TMEM132B: variants seen among roughly 807,000 people sequenced by gnomAD.
The protein encoded by TMEM132B is transmembrane protein 132B.
A neutral mutation model predicts 90.8 loss-of-function variants in TMEM132B; 18 were observed. The ratio of observed to expected loss-of-function variants is 0.20; its 90% CI spans 0.14 to 0.29. The LOEUF is 0.29. Ranked by LOEUF, TMEM132B falls within the 10% of genes least tolerant of loss-of-function variation. The pLI is 1.00. For synonymous variants in TMEM132B, 504 were observed against 523.3 expected, an observed-to-expected ratio of 0.96 and a Z score of 0.50; for missense variants, 1,096 against 1,326.8, an observed-to-expected ratio of 0.83 and a Z score of 2.70.
intron 1 of TMEM132B, among the ~76,000 whole-genome samples, chr12:125,237,226 C>T (rs567427474): frequency 2.6e-4 from 39 of 152,236 alleles, no homozygotes; most frequent in South Asian, 2.5e-3. Flanking sequence ...ATCCTGGGGC[C>T]GTCACCAGTG....
At chr12:125,285,867 TG>T (rs995609585) in intron 1 of TMEM132B, among the ~76,000 whole-genome samples, 4 of 151,988 alleles carry the variant, frequency 2.6e-5, no homozygotes, top group South Asian at 2.1e-4. Flanking sequence ...CCTGGGGTGG[TG>T]GGGGGCATCA....
intron 3 of TMEM132B, among the ~76,000 whole-genome samples, chr12:125,484,014 A>G (rs1011903045): frequency 6.6e-5 from 10 of 152,192 alleles, no homozygotes; most frequent in Non-Finnish European, 1.5e-4. Context: ...GAAGTGGGCT[A>G]TAAGCTGAGC....
intron 5 of TMEM132B, among the ~76,000 whole-genome samples, chr12:125,610,442 G>GT (rs1189186250): frequency 6.6e-6 from 1 of 152,112 alleles, no homozygotes; most frequent in Admixed American, 6.6e-5. Context: ...TTTGTTGATA[G>GT]TTTTTAACAT....
At chr12:125,562,392 G>A (rs1223909922) in intron 4 of TMEM132B, among the ~76,000 whole-genome samples, 1 of 152,174 alleles carries the variant, frequency 6.6e-6, no homozygotes, top group East Asian at 1.9e-4. Flanking sequence ...GTGTATACTG[G>A]AGTTAGCACT....
intron 1 of TMEM132B, among the ~76,000 whole-genome samples, chr12:125,272,590 AG>A (rs1039587264): frequency 2.6e-5 from 4 of 152,054 alleles, no homozygotes; most frequent in Non-Finnish European, 4.4e-5. Context: ...AATAAACTCG[AG>A]TTGGCACCAC....
At chr12:125,593,215 A>C (rs535779089) in intron 5 of TMEM132B, among the ~76,000 whole-genome samples, 27 of 152,216 alleles carry the variant, frequency 1.8e-4, no homozygotes, top group Admixed American at 1.7e-3. Context: ...TTCTGTTCTA[A>C]TTGGAGATGT....
At chr12:125,248,601 G>C (rs572180588) in intron 1 of TMEM132B, among the ~76,000 whole-genome samples, 1 of 152,198 alleles carries the variant, frequency 6.6e-6, no homozygotes, top group South Asian at 2.1e-4. Context: ...CCCATGGAAG[G>C]CTAATAAATT....
In TMEM132B at chr12:125,585,995, C is replaced by T. The variant is rs1009371940; in HGVS notation, c.1437+2001C>T. The stretch of plus-strand genomic sequence containing the variant: ...GATGCATTTACTATGGCTTCAGTGT[C>T]AATGTTTGTAGTAAATTTTACTATA... On this transcript the variant is annotated intron_variant, in intron 5 of 8. Coordinates refer to ENST00000682704, the MANE Select transcript of TMEM132B (RefSeq NM_001366854.1). The T allele has an allele frequency of 3.7e-4, 56 of 152,120 alleles. 1 individual carries two copies. The highest frequency in any genetic ancestry group is 1.8e-3 in the Admixed American group (28 of 15,280). The allele number at this position is 152,120 out of a possible 1,614,324, so 9.4% of individuals were successfully genotyped here.
At chr12:125,545,488 G>A (rs2136742517) in intron 4 of TMEM132B, among the ~76,000 whole-genome samples, 2 of 152,260 alleles carry the variant, frequency 1.3e-5, no homozygotes, top group South Asian at 4.2e-4. Flanking sequence ...TCTGGTCATG[G>A]CACCATGATA....
chr12:125,515,396 CACAAAT>C (rs368539010), intron 3 of TMEM132B, among the ~76,000 whole-genome samples: 2,962 of 96,938 alleles, frequency 0.031, 106 homozygotes, highest in African/African-American at 0.12. Context: ...CACATTCTCT[CACAAAT>C]ACATTCAAAC....
At chr12:125,309,192 T>C (rs1876066397) in intron 1 of TMEM132B, among the ~76,000 whole-genome samples, 1 of 152,240 alleles carries the variant, frequency 6.6e-6, no homozygotes, top group Non-Finnish European at 1.5e-5. Flanking sequence ...TTGTTATATA[T>C]TTTAATAATG....
At chr12:125,314,836 T>A (rs375085587) in intron 1 of TMEM132B, among the ~76,000 whole-genome samples, 1 of 152,166 alleles carries the variant, frequency 6.6e-6, no homozygotes, top group East Asian at 1.9e-4. Context: ...AGAAATGTCT[T>A]CTTTGTGCAA....
chr12:125,544,640 A>C (rs1388506423), intron 4 of TMEM132B, among the ~76,000 whole-genome samples: 3 of 152,230 alleles, frequency 2.0e-5, no homozygotes, highest in African/African-American at 7.2e-5. Flanking sequence ...TCTGTATTTC[A>C]GACTTTATTC....
At chr12:125,197,298 G>A (rs1225271118) in intron 1 of TMEM132B, among the ~76,000 whole-genome samples, 1 of 152,104 alleles carries the variant, frequency 6.6e-6, no homozygotes, top group Non-Finnish European at 1.5e-5. Flanking sequence ...GCTGGTACAG[G>A]TGTTTTTGTT....
chr12:125,412,610 A>G (rs943867618), intron 2 of TMEM132B, among the ~76,000 whole-genome samples: 1 of 152,166 alleles, frequency 6.6e-6, no homozygotes, highest in African/African-American at 2.4e-5. Context: ...TGTTGAGAAC[A>G]ACGGTGACAG....
At chr12:125,507,240 T>G (rs1047307751) in intron 3 of TMEM132B, among the ~76,000 whole-genome samples, 1 of 152,216 alleles carries the variant, frequency 6.6e-6, no homozygotes, top group African/African-American at 2.4e-5. Flanking sequence ...ATGCATGCAT[T>G]CATTCATTCA....
intron 1 of TMEM132B, among the ~76,000 whole-genome samples, chr12:125,205,921 A>T (rs1488642737): frequency 4.6e-5 from 7 of 152,264 alleles, no homozygotes; most frequent in African/African-American, 1.7e-4. Flanking sequence ...GAAAGATTGC[A>T]GCAGGCGGGA....
chr12:125,223,880 G>A (rs1873618085), intron 1 of TMEM132B, among the ~76,000 whole-genome samples: 1 of 152,064 alleles, frequency 6.6e-6, no homozygotes, highest in Non-Finnish European at 1.5e-5. Flanking sequence ...GGGTTCAAGT[G>A]ATTCTCCTGC....
At chr12:125,653,012 T>A (rs1389524486) in intron 8 of TMEM132B, among the ~76,000 whole-genome samples, 1 of 152,246 alleles carries the variant, frequency 6.6e-6, no homozygotes, top group African/African-American at 2.4e-5. Flanking sequence ...ACCAAATTGC[T>A]ACTGTTTACA....
Sources: gnomAD v4.1 joint callset for allele counts (sites outside exome capture counted in the v4.1 genomes callset) on GRCh38, gnomAD v4.1.1 for gene constraint, MANE v1.5 for transcripts, NCBI Gene and HGNC (gene_info 2026-07-23, HGNC 2026-07-21) for gene names.